The following RPRD2 variants were observed in gnomAD, a reference collection of about 807,000 sequenced individuals.
The protein encoded by RPRD2 is regulation of nuclear pre-mRNA domain-containing protein 2.
Under a neutral mutation model 104.4 loss-of-function variants are expected in RPRD2, and 12 were observed. The ratio of observed to expected loss-of-function variants is 0.11; its 90% CI spans 0.07 to 0.19. RPRD2 has a LOEUF of 0.19. RPRD2 is among the 10% of genes least tolerant of loss of function. The pLI is 1.00. For synonymous variants in RPRD2, 714 were observed against 684.9 expected (o/e 1.04, Z -0.66); for missense variants, 1,543 against 1,790.1 (o/e 0.86, Z 2.49).
intron 1 of RPRD2, among the ~76,000 whole-genome samples, chr1:150,372,347 G>A (rs971547016): frequency 1.3e-5 from 2 of 152,048 alleles, no homozygotes; most frequent in East Asian, 1.9e-4. Flanking sequence ...AAATTTAGCC[G>A]GGCTTGGTGG....
At chr1:150,437,262 C>A (rs1666069047) in intron 2 of RPRD2, among the ~76,000 whole-genome samples, 1 of 152,008 alleles carries the variant, frequency 6.6e-6, no homozygotes, top group Non-Finnish European at 1.5e-5. Context: ...ACTTTGGAGG[C>A]CAAGGCAGGC....
intron 1 of RPRD2, among the ~76,000 whole-genome samples, chr1:150,388,598 A>C (rs1266170039): frequency 1.3e-5 from 2 of 150,300 alleles, no homozygotes; most frequent in East Asian, 3.9e-4. Flanking sequence ...AAAACCAATG[A>C]ATCAATATTG....
At chr1:150,370,025 G>T (rs1553878042) in intron 1 of RPRD2, among the ~76,000 whole-genome samples, 1 of 151,354 alleles carries the variant, frequency 6.6e-6, no homozygotes, top group Non-Finnish European at 1.5e-5. Flanking sequence ...CAAGTGATTC[G>T]CCCACCTCAG....
In RPRD2 at chr1:150,472,491, T is replaced by C. The variant is rs1180444390; in HGVS notation, c.3543T>C (p.Phe1181=). 3 of 1,613,990 alleles carry C rather than the reference T, an allele frequency of 1.9e-6. No homozygotes were observed. The highest frequency in any genetic ancestry group is 2.5e-6 in the Non-Finnish European group (3 of 1,179,876). ...APQFQESVGS[F]RSNSFNSTFE... ...AATTTCAGGAGAGTGTCGGCAGCTT[T>C]CGTTCCAACAGTTTCAACTCAACAT... The change falls in exon 11 of 11, where the codon TTT becomes TTC. Residue 1181 remains phenylalanine, a synonymous_variant. Transcript: ENST00000369068.
chr1:150,457,264 G>A (rs782358228), intron 7 of RPRD2, 24 bp from the exon 8 acceptor site: 8 of 1,595,732 alleles, frequency 5.0e-6, no homozygotes, highest in African/African-American at 1.4e-5. Context: ...TTTCCAAGGA[G>A]TAAACTCCTT....
intron 2 of RPRD2, among the ~76,000 whole-genome samples, chr1:150,421,747 TG>T (rs1460390978): frequency 1.3e-5 from 2 of 151,786 alleles, no homozygotes; most frequent in South Asian, 2.1e-4. Context: ...GAGGCTGAAG[TG>T]GGAGGATCAC....
intron 10 of RPRD2, among the ~76,000 whole-genome samples, chr1:150,469,066 T>C (rs140447820): frequency 6.6e-6 from 1 of 152,170 alleles, no homozygotes; most frequent in African/African-American, 2.4e-5. Flanking sequence ...TAGAAATAAA[T>C]GGCTTTAAAA....
At chr1:150,448,736 T>C (rs1666963817) in intron 7 of RPRD2, among the ~76,000 whole-genome samples, 1 of 152,184 alleles carries the variant, frequency 6.6e-6, no homozygotes, top group Non-Finnish European at 1.5e-5. Context: ...CTATTCTGAA[T>C]TCCCTTTTCC....
chr1:150,402,672 AG>A (rs1663134459), intron 1 of RPRD2, among the ~76,000 whole-genome samples: 1 of 151,960 alleles, frequency 6.6e-6, no homozygotes, highest in African/African-American at 2.4e-5. Flanking sequence ...TGGCAAATCA[AG>A]ATCCCCGTTT....
intron 1 of RPRD2, among the ~76,000 whole-genome samples, chr1:150,400,326 T>A (rs587731755): frequency 6.6e-6 from 1 of 152,320 alleles, no homozygotes; most frequent in South Asian, 2.1e-4. Flanking sequence ...TTTAGTTTCT[T>A]CCTTTCTAAT....
At chr1:150,397,747 C>CTTAT (rs1208416190) in intron 1 of RPRD2, among the ~76,000 whole-genome samples, 4 of 152,068 alleles carry the variant, frequency 2.6e-5, no homozygotes, top group African/African-American at 4.8e-5. Context: ...ATAAACATTT[C>CTTAT]TTATTTATTT....
At chr1:150,448,527 A>G (rs1253210432) in intron 7 of RPRD2, among the ~76,000 whole-genome samples, 1 of 152,158 alleles carries the variant, frequency 6.6e-6, no homozygotes, top group African/African-American at 2.4e-5. Flanking sequence ...TTCTATAATC[A>G]TACTTAATTA....
At chr1:150,384,683 T>TGTGTGTGTGTGTGTGTGTG (rs1560155301) in intron 1 of RPRD2, among the ~76,000 whole-genome samples, 5 of 118,052 alleles carry the variant, frequency 4.2e-5, no homozygotes, top group Admixed American at 2.7e-4. Context: ...GTGTGTGTGT[T>TGTGTGTGTGTGTGTGTGTG]TTTAGTAGAG....
rs148783026 is a variant in RPRD2, at chr1:150,400,376, G to A, written c.206-17220G>A. Among the ~76,000 whole-genome samples, 919 of 152,082 alleles carry A rather than the reference G, an allele frequency of 6.0e-3. 4 individuals are homozygous for A. Among genetic ancestry groups the A allele is most frequent in the Non-Finnish European group, 8.6e-3 (582 of 68,010 alleles). ...TTTCTTTCCCTTGCCTTATTGCATT[G>A]GCTGAAACTTCTAGGATGATGGTGG... On this transcript the variant is annotated intron_variant, in intron 1 of 10. Coordinates refer to ENST00000369068, the MANE Select transcript of RPRD2 (RefSeq NM_015203.5).
At chr1:150,439,718 T>C (rs1572480559) in intron 2 of RPRD2, among the ~76,000 whole-genome samples, 1 of 152,078 alleles carries the variant, frequency 6.6e-6, no homozygotes, top group Middle Eastern at 3.4e-3. Context: ...GATAGATCTA[T>C]GAAATTATTA....
intron 1 of RPRD2, among the ~76,000 whole-genome samples, chr1:150,387,516 A>C (rs1661652789): frequency 7.1e-6 from 1 of 141,540 alleles, no homozygotes. Flanking sequence ...GATATTTTGC[A>C]GGATCCTTCC....
At chr1:150,464,379 T>TTTTA in intron 9 of RPRD2, 148 bp from the exon 10 acceptor site, 1 of 453,360 alleles carries the variant, frequency 2.2e-6, no homozygotes, top group South Asian at 3.8e-5. Flanking sequence ...TTTTTTTTTT[T>TTTTA]GTACATGTCA....
intron 1 of RPRD2, among the ~76,000 whole-genome samples, chr1:150,400,701 T>G (rs1662916283): frequency 6.6e-6 from 1 of 151,686 alleles, no homozygotes; most frequent in Non-Finnish European, 1.5e-5. Context: ...GTGAACATTC[T>G]TCCTTTTCCG....
intron 2 of RPRD2, among the ~76,000 whole-genome samples, chr1:150,439,354 A>G (rs998551858): frequency 6.6e-6 from 1 of 152,156 alleles, no homozygotes; most frequent in African/African-American, 2.4e-5. Flanking sequence ...AATAAAGCAA[A>G]TATTGCAATA....
Sources: allele counts gnomAD v4.1 joint callset (sites outside exome capture counted in the v4.1 genomes callset), GRCh38; gene constraint gnomAD v4.1.1; transcripts MANE v1.5; gene names NCBI Gene and HGNC (gene_info 2026-07-23, HGNC 2026-07-21).